SLC8A3: variants seen among roughly 807,000 people sequenced by gnomAD.
SLC8A3 encodes sodium/calcium exchanger 3.
Under a neutral mutation model 65.4 loss-of-function variants are expected in SLC8A3, and 37 were observed. The observed-to-expected ratio is 0.57, with a 90% CI of 0.44 to 0.74. The LOEUF (loss-of-function observed/expected upper bound fraction) is 0.74. SLC8A3 is among the 30% of genes least tolerant of loss of function. The pLI, the probability that SLC8A3 is intolerant of heterozygous loss-of-function variation, is 0.00. For synonymous variants in SLC8A3, 461 were observed against 444.5 expected (o/e 1.04, Z -0.47); for missense variants, 1,112 against 1,172.1 (o/e 0.95, Z 0.75).
At chr14:70,180,067 G>C (rs8021676) in intron 1 of SLC8A3, among the ~76,000 whole-genome samples, 1 of 151,878 alleles carries the variant, frequency 6.6e-6, no homozygotes, top group Non-Finnish European at 1.5e-5. Context: ...GCCTGAGGCC[G>C]ACATCGTTCC....
Position 70,046,126 on chromosome 14 carries a change from T to A in SLC8A3, c.2587A>T (p.Thr863Ser), listed in dbSNP as rs1191030230. 5 of 1,614,008 alleles carry A rather than the reference T, an allele frequency of 3.1e-6. No homozygotes were observed. Among genetic ancestry groups the A allele is most frequent in the Non-Finnish European group, 4.2e-6 (5 of 1,179,972 alleles). The change falls in exon 7 of 7, where the codon ACC becomes TCC. Residue 863 changes from threonine to serine, a missense_variant. Thr to Ser is a moderately conservative substitution (Grantham distance 58). Coordinates refer to ENST00000356921, the MANE Select transcript of SLC8A3 (RefSeq NM_182932.3). This position sits in a 1 kb window ranked among gnomAD's most constrained non-coding sequence, Gnocchi z 4.2. Reference sequence around the variant, plus strand: ...CTGATGCAGACAAATGCAAAGATGGTGAAGAGGGTGACGGAGAAGGCCAGT... The same window carrying A: ...CTGATGCAGACAAATGCAAAGATGGAGAAGAGGGTGACGGAGAAGGCCAGT... The part of the protein sequence containing the change: ...GTLAFSVTLF[T>S]IFAFVCISVL...
rs143420380 is a variant in SLC8A3, at chr14:70,054,761, G to C, written c.1889-2647C>G. The stretch of plus-strand genomic sequence containing the variant: ...TGTAGGAGTTACCTACATTTTTTTT[G>C]TTTGTTTAAGGCTCCCAGAAGGCTT... On this transcript the variant is annotated intron_variant, in intron 3 of 6. Coordinates refer to ENST00000356921, the MANE Select transcript of SLC8A3 (RefSeq NM_182932.3). 2.0e-5 allele frequency among the ~76,000 whole-genome samples: 3 copies of C among 152,018 alleles called. No homozygotes were observed. In the East Asian group the frequency reaches 5.8e-4, roughly 29 times the overall value.
At chr14:70,139,684 TGAG>T (rs1256560848) in intron 2 of SLC8A3, among the ~76,000 whole-genome samples, 1 of 151,536 alleles carries the variant, frequency 6.6e-6, no homozygotes, top group East Asian at 1.9e-4. Context: ...GGCTAGAGGG[TGAG>T]GAGGAGGTGT....
At chr14:70,170,741 T>A (rs752481375) in intron 1 of SLC8A3, among the ~76,000 whole-genome samples, 1 of 152,184 alleles carries the variant, frequency 6.6e-6, no homozygotes, top group Non-Finnish European at 1.5e-5. Context: ...GTGCATATTG[T>A]CCCCATGAAG....
chr14:70,063,375 GA>G (rs2139849078), intron 2 of SLC8A3, among the ~76,000 whole-genome samples: 1 of 152,270 alleles, frequency 6.6e-6, no homozygotes, highest in South Asian at 2.1e-4. Flanking sequence ...TTAGCCCTGA[GA>G]ATAACTGCCC....
At chr14:70,180,354 C>G (rs1258489165) in intron 1 of SLC8A3, among the ~76,000 whole-genome samples, 1 of 152,198 alleles carries the variant, frequency 6.6e-6, no homozygotes, top group Non-Finnish European at 1.5e-5. Flanking sequence ...TCAAAGTCAT[C>G]TCTCTGAGAC....
At chr14:70,094,204 A>C (rs1194254983) in intron 2 of SLC8A3, among the ~76,000 whole-genome samples, 1 of 152,240 alleles carries the variant, frequency 6.6e-6, no homozygotes, top group Non-Finnish European at 1.5e-5. Flanking sequence ...AGAAAGATGG[A>C]GGCTTTGGAG....
rs1594796210 is a variant in SLC8A3 at position 70,167,961 on chromosome 14, C to G, written c.462G>C (p.Glu154Asp). ...SAPEILLSLI[E>D]VCGHGFIAGD... ...CAGCAATGAACCCATGACCACACAC[C>G]TCAATTAAAGAGAGGAGTATCTCAG... is the stretch of plus-strand genomic sequence containing the variant. The change falls in exon 2 of 7, where the codon GAG (glutamate) becomes GAC (aspartate). Residue 154 changes from glutamate to aspartate, a missense_variant. By Grantham distance (45) the Glu-to-Asp change is conservative. Coordinates refer to ENST00000356921, the MANE Select transcript of SLC8A3 (RefSeq NM_182932.3). 6.2e-7 allele frequency: 1 copy of G among 1,613,988 alleles called. No individual in the cohort carries two copies.
intron 2 of SLC8A3, among the ~76,000 whole-genome samples, chr14:70,061,225 G>C (rs1888763928): frequency 6.6e-6 from 1 of 152,202 alleles, no homozygotes; most frequent in South Asian, 2.1e-4. Flanking sequence ...CAGAAGGGGA[G>C]GAGAAGGCAG....
At chr14:70,124,050 C>T (rs1036165379) in intron 2 of SLC8A3, among the ~76,000 whole-genome samples, 29 of 152,278 alleles carry the variant, frequency 1.9e-4, no homozygotes, top group African/African-American at 6.7e-4. Context: ...CCACACTTGT[C>T]TTACTTAATC....
chr14:70,173,520 G>T (rs568548939), intron 1 of SLC8A3, among the ~76,000 whole-genome samples: 1 of 152,244 alleles, frequency 6.6e-6, no homozygotes, highest in South Asian at 2.1e-4. Context: ...CGCTCTTCCA[G>T]ATCATTAATA....
chr14:70,120,724 T>G (rs1420466228), intron 2 of SLC8A3, among the ~76,000 whole-genome samples: 1 of 152,238 alleles, frequency 6.6e-6, no homozygotes, highest in African/African-American at 2.4e-5. Flanking sequence ...CTTCCTTATC[T>G]GTAAAATGAG....
intron 2 of SLC8A3, among the ~76,000 whole-genome samples, chr14:70,144,332 A>T (rs199932952): frequency 0.04 from 4,098 of 101,950 alleles, 41 homozygotes; most frequent in Non-Finnish European, 0.064. Flanking sequence ...TTTTTTTTTT[A>T]AAAAAAAAAA....
At chr14:70,177,058 AT>A (rs1897953242) in intron 1 of SLC8A3, among the ~76,000 whole-genome samples, 1 of 152,246 alleles carries the variant, frequency 6.6e-6, no homozygotes, top group Admixed American at 6.5e-5. Flanking sequence ...GAGAAGGTTA[AT>A]TTGTTCCAAA....
chr14:70,102,530 C>A (rs1892611342), intron 2 of SLC8A3, among the ~76,000 whole-genome samples: 1 of 152,036 alleles, frequency 6.6e-6, no homozygotes, highest in African/African-American at 2.4e-5. Flanking sequence ...CCCAAGATGA[C>A]TCAGATGGAA....
intron 1 of SLC8A3, among the ~76,000 whole-genome samples, chr14:70,178,640 T>C (rs1448214967): frequency 1.3e-5 from 2 of 152,208 alleles, no homozygotes; most frequent in Admixed American, 1.3e-4. Flanking sequence ...CATGATGCTG[T>C]TCATTGATTC....
chr14:70,138,020 G>C (rs1895323497), intron 2 of SLC8A3, among the ~76,000 whole-genome samples: 1 of 152,146 alleles, frequency 6.6e-6, no homozygotes, highest in South Asian at 2.1e-4. Flanking sequence ...TCACTCCCCA[G>C]GGAGGGAAAA....
At chr14:70,084,960 G>A (rs982683389) in intron 2 of SLC8A3, among the ~76,000 whole-genome samples, 1 of 152,138 alleles carries the variant, frequency 6.6e-6, no homozygotes, top group Admixed American at 6.6e-5. Context: ...TGTGTAGTAG[G>A]GGAAGGATGG....
At chr14:70,065,442 C>A (rs942540241) in intron 2 of SLC8A3, among the ~76,000 whole-genome samples, 1 of 152,074 alleles carries the variant, frequency 6.6e-6, no homozygotes, top group South Asian at 2.1e-4. Context: ...GTAGAAAGCC[C>A]GTGGCTCTTC....
Sources: gnomAD v4.1 joint callset for allele counts (sites outside exome capture counted in the v4.1 genomes callset) on GRCh38, gnomAD v4.1.1 for gene constraint, Gnocchi (gnomAD v3.1) non-coding constraint, MANE v1.5 for transcripts, NCBI Gene and HGNC (gene_info 2026-07-23, HGNC 2026-07-21) for gene names.